ROBO2: variants seen among roughly 807,000 people sequenced by gnomAD.
The protein encoded by ROBO2 is roundabout homolog 2.
Under a neutral mutation model 160.8 loss-of-function variants are expected in ROBO2, and 53 were observed. The ratio of observed to expected loss-of-function variants is 0.33; its 90% CI spans 0.26 to 0.41. The LOEUF (loss-of-function observed/expected upper bound fraction) is 0.41. Ranked by LOEUF, ROBO2 falls within the 10% of genes least tolerant of loss-of-function variation. The probability of loss-of-function intolerance (pLI) is 1.00; values close to 1 mark genes in which losing one functional copy is unlikely to be tolerated. For missense variants in ROBO2, 1,577 were observed against 1,722.4 expected, an observed-to-expected ratio of 0.92 and a Z score of 1.49; for synonymous variants, 664 against 611.7, an observed-to-expected ratio of 1.09 and a Z score of -1.26.
intron 2 of ROBO2, among the ~76,000 whole-genome samples, chr3:75,996,762 CATCAATTCTGATAT>C (rs2065738550): frequency 1.2e-5 from 1 of 83,394 alleles, no homozygotes; most frequent in African/African-American, 3.4e-5. Flanking sequence ...ATATGTAAAT[CATCAATTCTGATAT>C]ATGTAAATCA....
Position 77,088,835 on chromosome 3 carries a change from T to A in ROBO2, c.62-9179T>A, listed in dbSNP as rs141360821. ...CCAACTTTTGTAATCTATACATTTATCAAAAGTATGAACAGTAATCTAAAG... is the reference window on the plus strand; with the variant it reads ...CCAACTTTTGTAATCTATACATTTAACAAAAGTATGAACAGTAATCTAAAG... On this transcript the variant is annotated intron_variant, in intron 1 of 25. Transcript: ENST00000461745. Among the ~76,000 whole-genome samples the A allele has an allele frequency of 1.3e-3, 196 of 152,344 alleles. 1 individual carries two copies. The highest frequency in any genetic ancestry group is 4.5e-3 in the African/African-American group (188 of 41,590).
At chr3:76,192,018 G>T (rs1702028279) in intron 2 of ROBO2, among the ~76,000 whole-genome samples, 1 of 152,056 alleles carries the variant, frequency 6.6e-6, no homozygotes, top group Admixed American at 6.6e-5. Flanking sequence ...TTGCAATCTA[G>T]AAAAATTATT....
chr3:76,775,098 A>C (rs1287581809), intron 2 of ROBO2, among the ~76,000 whole-genome samples: 4 of 150,784 alleles, frequency 2.7e-5, no homozygotes, highest in African/African-American at 9.7e-5. Context: ...TTCTAAAATG[A>C]AGGAAAATTT....
At chr3:77,455,855 G>A (rs2081586904) in intron 2 of ROBO2, among the ~76,000 whole-genome samples, 1 of 151,546 alleles carries the variant, frequency 6.6e-6, no homozygotes, top group African/African-American at 2.4e-5. Context: ...ATTTTCACAT[G>A]TGTTTCTCTT....
intron 2 of ROBO2, among the ~76,000 whole-genome samples, chr3:76,881,961 T>C (rs1224017093): frequency 1.3e-5 from 2 of 151,696 alleles, no homozygotes; most frequent in African/African-American, 2.4e-5. Context: ...TGTGTGTCTG[T>C]TGGGTGGTAG....
chr3:77,182,032 C>A lies in ROBO2; in HGVS notation c.388+83692C>A, dbSNP rs1177023740. ...TGTTATGAAAGTTTTTAGTCACCTT[C>A]TGATATTTTGTAGATGGTTATTTCT... On this transcript the variant is annotated intron_variant, in intron 2 of 25. Coordinates refer to ENST00000461745, the Ensembl canonical transcript of ROBO2. 2.0e-5 allele frequency among the ~76,000 whole-genome samples: 3 copies of A among 152,184 alleles called. No homozygotes were observed. In the East Asian group the frequency reaches 5.8e-4, roughly 29 times the overall value.
chr3:77,184,807 G>A (rs181156644), intron 2 of ROBO2, among the ~76,000 whole-genome samples: 66 of 151,992 alleles, frequency 4.3e-4, no homozygotes, highest in Middle Eastern at 3.4e-3. Flanking sequence ...AATGTGCTGC[G>A]TCTTTTATGT....
intron 2 of ROBO2, among the ~76,000 whole-genome samples, chr3:76,566,831 A>G (rs1186849630): frequency 6.6e-6 from 1 of 152,184 alleles, no homozygotes; most frequent in Non-Finnish European, 1.5e-5. Context: ...AAATCTCTGC[A>G]TAACTTCAGC....
At chr3:77,429,509 A>G (rs2078553130) in intron 2 of ROBO2, among the ~76,000 whole-genome samples, 1 of 152,132 alleles carries the variant, frequency 6.6e-6, no homozygotes. Context: ...GGGGAATCTC[A>G]GGCAGTATAG....
intron 1 of ROBO2, among the ~76,000 whole-genome samples, chr3:77,085,782 T>G (rs147416312): frequency 3.3e-5 from 5 of 152,234 alleles, no homozygotes; most frequent in Admixed American, 1.3e-4. Flanking sequence ...AGATACACAA[T>G]TTCATAAAGG....
intron 2 of ROBO2, among the ~76,000 whole-genome samples, chr3:75,965,847 A>T (rs1949090341): frequency 6.6e-6 from 1 of 151,686 alleles, no homozygotes; most frequent in Non-Finnish European, 1.5e-5. Context: ...CTTATCATGA[A>T]ATATACAGTA....
chr3:77,515,094 T>G (rs958439348), intron 5 of ROBO2, among the ~76,000 whole-genome samples: 2 of 151,916 alleles, frequency 1.3e-5, no homozygotes, highest in East Asian at 1.9e-4. Context: ...TAGACATAAT[T>G]TCTTTAAAAA....
intron 2 of ROBO2, among the ~76,000 whole-genome samples, chr3:76,928,429 T>A (rs2077119617): frequency 6.6e-6 from 1 of 151,282 alleles, no homozygotes; most frequent in African/African-American, 2.4e-5. Context: ...TTGTGTTGTT[T>A]GTGTGCTACT....
intron 6 of ROBO2, among the ~76,000 whole-genome samples, chr3:77,544,110 GTT>G (rs36057995): frequency 0.54 from 76,659 of 142,378 alleles, 19,971 homozygotes; most frequent in Middle Eastern, 0.68. Flanking sequence ...AACCTTAAGT[GTT>G]TTTTTTTTTT....
chr3:77,201,603 G>A (rs1392393539), intron 2 of ROBO2, among the ~76,000 whole-genome samples: 1 of 152,058 alleles, frequency 6.6e-6, no homozygotes, highest in African/African-American at 2.4e-5. Flanking sequence ...TCATATTTAA[G>A]TTTTACATAA....
intron 2 of ROBO2, among the ~76,000 whole-genome samples, chr3:76,833,992 T>G (rs1345320646): frequency 6.9e-6 from 1 of 144,860 alleles, no homozygotes; most frequent in African/African-American, 2.5e-5. Flanking sequence ...TTTCTTTCTT[T>G]CTTTCCTTCT....
At chr3:76,419,679 A>C (rs2075908751) in intron 2 of ROBO2, among the ~76,000 whole-genome samples, 1 of 152,014 alleles carries the variant, frequency 6.6e-6, no homozygotes, top group Admixed American at 6.6e-5. Context: ...TGTTTTTTTC[A>C]TGAAGGTAGG....
intron 2 of ROBO2, among the ~76,000 whole-genome samples, chr3:76,087,186 A>G (rs545241962): frequency 6.6e-6 from 1 of 152,214 alleles, no homozygotes; most frequent in African/African-American, 2.4e-5. Flanking sequence ...CAAGAAGGAT[A>G]AATGCCAGAA....
chr3:75,928,499 A>G (rs1947383474), intron 1 of ROBO2, among the ~76,000 whole-genome samples: 1 of 152,042 alleles, frequency 6.6e-6, no homozygotes. Flanking sequence ...CAGACCATCA[A>G]GAATTAAGCC....
Sources: allele counts gnomAD v4.1 joint callset (sites outside exome capture counted in the v4.1 genomes callset), GRCh38; gene constraint gnomAD v4.1.1; transcripts MANE v1.5; gene names NCBI Gene and HGNC (gene_info 2026-07-23, HGNC 2026-07-21).